The following ABHD5 variants were observed in gnomAD, a reference collection of about 807,000 sequenced individuals.
ABHD5 encodes the protein abhydrolase domain containing 5, lysophosphatidic acid acyltransferase, also known as 1-acylglycerol-3-phosphate O-acyltransferase ABHD5.
A neutral mutation model predicts 44.9 loss-of-function variants in ABHD5; 30 were observed. That is an observed-to-expected ratio of 0.67 (90% CI 0.50 to 0.91). The LOEUF (loss-of-function observed/expected upper bound fraction) is 0.91, where lower values mean the gene tolerates loss of function less well. Ranked by LOEUF, ABHD5 falls within the 40% of genes least tolerant of loss-of-function variation. The pLI is 0.00. For missense variants in ABHD5, 399 were observed against 423.4 expected (o/e 0.94, Z 0.50); for synonymous variants, 167 against 147.0 (o/e 1.14, Z -0.99).
At position 43,715,085 on chromosome 3, in the gene ABHD5, C is replaced by CTG. The variant is rs10662733; in HGVS notation, c.773+61_773+62dup. 0.35 allele frequency: 297,474 copies of CTG among 840,248 alleles called. 17,325 individuals are homozygous for CTG. The highest frequency in any genetic ancestry group is 0.41 in the Middle Eastern group (1,707 of 4,162). 52.0% of individuals were successfully genotyped at this position (840,248 alleles called of 1,614,324 possible). On this transcript the variant is annotated intron_variant, in intron 5 of 6. Coordinates refer to ENST00000644371, the MANE Select transcript of ABHD5 (RefSeq NM_016006.6). ...TGAGGGTTAGGATTCTCAATTCACT[C>CTG]TGTGTGTGTGTGTGTGTGTGTGTGT... is the stretch of plus-strand genomic sequence containing the variant.
intron 1 of ABHD5, among the ~76,000 whole-genome samples, chr3:43,693,987 T>C (rs2084437267): frequency 1.3e-5 from 2 of 152,036 alleles, no homozygotes; most frequent in African/African-American, 4.8e-5. Flanking sequence ...ATTTTTACCT[T>C]CCTGCTCCTA....
intron 1 of ABHD5, among the ~76,000 whole-genome samples, chr3:43,692,511 G>A (rs1228760155): frequency 6.6e-6 from 1 of 152,160 alleles, no homozygotes; most frequent in Non-Finnish European, 1.5e-5. Flanking sequence ...GGAGGTCATT[G>A]GAGGTAGATG....
intron 2 of ABHD5, among the ~76,000 whole-genome samples, chr3:43,700,191 A>G (rs1156330526): frequency 6.6e-6 from 1 of 151,654 alleles, no homozygotes; most frequent in Non-Finnish European, 1.5e-5. Flanking sequence ...TATAAAATGA[A>G]TGGGTCCATA....
chr3:43,696,866 T>G (rs963052208), intron 1 of ABHD5, among the ~76,000 whole-genome samples: 2 of 152,192 alleles, frequency 1.3e-5, no homozygotes, highest in African/African-American at 4.8e-5. Flanking sequence ...TTGCTATGTT[T>G]TGTTAAATAT....
intron 1 of ABHD5, among the ~76,000 whole-genome samples, chr3:43,692,543 G>T (rs546172417): frequency 6.6e-6 from 1 of 152,220 alleles, no homozygotes; most frequent in East Asian, 1.9e-4. Context: ...CTTAGCAGCT[G>T]ATCAGCCATA....
At chr3:43,707,091 G>T (rs765917492) in intron 3 of ABHD5, among the ~76,000 whole-genome samples, 9 of 152,130 alleles carry the variant, frequency 5.9e-5, no homozygotes, top group Non-Finnish European at 1.2e-4. Context: ...ACAGGCGTGA[G>T]CCACTGCACC....
At chr3:43,706,911 A>G (rs2084627021) in intron 3 of ABHD5, among the ~76,000 whole-genome samples, 1 of 152,212 alleles carries the variant, frequency 6.6e-6, no homozygotes, top group South Asian at 2.1e-4. Context: ...TCCAAGCCAT[A>G]ACTACTTCAG....
chr3:43,716,847 A>G (rs1026789631), intron 5 of ABHD5, among the ~76,000 whole-genome samples: 32 of 152,182 alleles, frequency 2.1e-4, no homozygotes, highest in Non-Finnish European at 3.4e-4. Context: ...TTCTTCATAA[A>G]AGGCAAGTTA....
chr3:43,695,448 C>T (rs754269000), intron 1 of ABHD5, among the ~76,000 whole-genome samples: 13 of 152,152 alleles, frequency 8.5e-5, no homozygotes, highest in Non-Finnish European at 1.5e-4. Context: ...ATTTTTCTCT[C>T]TCAACTACTA....
rs1273361995 is a variant in ABHD5, at chr3:43,717,812, C to T, written c.915C>T (p.Gly305=). 2 of 1,614,216 alleles carry T rather than the reference C, an allele frequency of 1.2e-6. No individual in the cohort carries two copies. The highest frequency in any genetic ancestry group is 1.7e-6 in the Non-Finnish European group (2 of 1,180,030). The change falls in exon 6 of 7, where the codon GGC becomes GGT. Residue 305 remains glycine (G), a synonymous_variant. Transcript: ENST00000644371. ...GARSCIDGNS[G]TSIQSLRPHS... is the part of the protein sequence containing the mutation. ...GATCCTGCATAGATGGCAATTCTGG[C>T]ACCAGCATCCAGTCCTTACGACCAC... is the stretch of plus-strand genomic sequence containing the variant.
chr3:43,701,452 G>C (rs534877902), intron 2 of ABHD5, among the ~76,000 whole-genome samples: 2 of 152,298 alleles, frequency 1.3e-5, no homozygotes, highest in African/African-American at 4.8e-5. Flanking sequence ...AAATGCAGCT[G>C]TTCAGTTGAT....
intron 1 of ABHD5, 66 bp downstream of exon 1, chr3:43,691,105 GGCCC>G: frequency 6.9e-7 from 1 of 1,442,092 alleles, no homozygotes. Context: ...GCCGGGTTAG[GGCCC>G]AGCGGGCAGC....
intron 3 of ABHD5, among the ~76,000 whole-genome samples, chr3:43,710,355 T>C (rs1185235407): frequency 6.6e-6 from 1 of 152,240 alleles, no homozygotes; most frequent in Non-Finnish European, 1.5e-5. Flanking sequence ...ATGTCTCTCT[T>C]ATGTTGATTA....
rs571911103 is a variant in ABHD5, at chr3:43,708,982, A to G, written c.507-2727A>G. Reference sequence around the variant, plus strand: ...AGACTAGACTGGTTCTTGACCATCTAAATGGATTTTGTTACCGAATAATAA... The same window carrying G: ...AGACTAGACTGGTTCTTGACCATCTGAATGGATTTTGTTACCGAATAATAA... On this transcript the variant is annotated intron_variant, in intron 3 of 6. Coordinates refer to ENST00000644371, the MANE Select transcript of ABHD5 (RefSeq NM_016006.6). 2.6e-5 allele frequency among the ~76,000 whole-genome samples: 4 copies of G among 152,366 alleles called. No homozygotes were observed. In the South Asian group the frequency reaches 8.3e-4, roughly 32 times the overall value.
In ABHD5 at chr3:43,719,929, T is replaced by G. The variant is rs2084813370; in HGVS notation, c.*1397T>G. The G allele has an allele frequency of 6.6e-6, 1 of 152,178 alleles. No homozygotes were observed. Among genetic ancestry groups the G allele is most frequent in the African/African-American group, 2.4e-5 (1 of 41,438 alleles). The allele number at this position is 152,178 out of a possible 1,614,324, so 9.4% of individuals were successfully genotyped here. On this transcript the variant is annotated 3_prime_UTR_variant, in exon 7 of 7. Coordinates refer to ENST00000644371, the MANE Select transcript of ABHD5 (RefSeq NM_016006.6). ...TTTTTAAAATGGTTAATTAGGGAAT[T>G]TGTAGTTGTTAGGAAATGTAAGGTT... is the stretch of plus-strand genomic sequence containing the variant.
intron 3 of ABHD5, among the ~76,000 whole-genome samples, chr3:43,706,261 C>T (rs1353269412): frequency 6.6e-6 from 1 of 152,130 alleles, no homozygotes; most frequent in Non-Finnish European, 1.5e-5. Flanking sequence ...ATCCAGCTTG[C>T]TTTTGATCCA....
chr3:43,716,822 G>A (rs1352684356), intron 5 of ABHD5, among the ~76,000 whole-genome samples: 1 of 152,148 alleles, frequency 6.6e-6, no homozygotes, highest in Non-Finnish European at 1.5e-5. Flanking sequence ...TACTTTGATT[G>A]TAGTGAGACT....
intron 3 of ABHD5, among the ~76,000 whole-genome samples, chr3:43,711,010 T>A (rs2084682239): frequency 6.6e-6 from 1 of 152,226 alleles, no homozygotes; most frequent in Admixed American, 6.5e-5. Context: ...ATTTTCTATC[T>A]CTTGGTCAAT....
chr3:43,715,459 G>A (rs1047554309), intron 5 of ABHD5, among the ~76,000 whole-genome samples: 14 of 152,082 alleles, frequency 9.2e-5, no homozygotes, highest in African/African-American at 3.1e-4. Context: ...CACCGTGCCC[G>A]GCCTTTGTTT....
Sources: gnomAD v4.1 joint callset for allele counts (sites outside exome capture counted in the v4.1 genomes callset) on GRCh38, gnomAD v4.1.1 for gene constraint, MANE v1.5 for transcripts, NCBI Gene and HGNC (gene_info 2026-07-23, HGNC 2026-07-21) for gene names.